ANO1: variants seen among roughly 807,000 people sequenced by gnomAD.
ANO1 encodes the protein anoctamin-1.
ANO1 carries 59 observed loss-of-function variants against 124.0 expected under a neutral mutation model. The ratio of observed to expected loss-of-function variants is 0.48; its 90% confidence interval spans 0.39 to 0.59. ANO1 has a LOEUF of 0.59. Ranked by LOEUF, ANO1 falls within the 20% of genes least tolerant of loss-of-function variation. ANO1 has a pLI of 0.00. For synonymous variants in ANO1, 529 were observed against 532.0 expected, an observed-to-expected ratio of 0.99 and a Z score of 0.08; for missense variants, 1,059 against 1,328.0, an observed-to-expected ratio of 0.80 and a Z score of 3.15.
chr11:69,967,194 G>A, the ANO1 span, among the ~76,000 whole-genome samples: 8 of 111,048 alleles, frequency 7.2e-5, no homozygotes, highest in African/African-American at 2.6e-4. Context: ...CGCCCGTATC[G>A]CACGTTAGCT....
Position 70,104,146 on chromosome 11 carries a change from C to A in ANO1, c.688C>A (p.His230Asn), listed in dbSNP as rs1487065155. The change falls in exon 4 of 26, where the codon CAT becomes AAT. Residue 230 changes from histidine to asparagine, a missense_variant. By Grantham distance (68) the His-to-Asn change is moderately conservative. This residue lies in a region of ANO1 where 809 missense variants were observed against 1,094.9 expected (regional missense o/e 0.74). Coordinates refer to ENST00000355303, the MANE Select transcript of ANO1 (RefSeq NM_018043.7). ...CTATCCCTTCTCCCGGGAGAAGCAG[C>A]ATCTGTAAGTGGGGACCCCCAGCCT... The part of the protein sequence containing the change: ...LSYPFSREKQ[H>N]LFDLSDKDSF... 3 of 1,590,136 alleles carry A rather than the reference C, an allele frequency of 1.9e-6. No homozygotes were observed. The African/African-American group carries it at 4.0e-5, about 21-fold the overall frequency.
chr11:70,144,840 G>T (rs1185161177), intron 11 of ANO1, among the ~76,000 whole-genome samples: 2 of 152,212 alleles, frequency 1.3e-5, no homozygotes, highest in Non-Finnish European at 2.9e-5. Flanking sequence ...CCAGGTTTCT[G>T]CCCTTACTTG....
intron 1 of ANO1, among the ~76,000 whole-genome samples, chr11:70,009,933 T>C (rs1347476429): frequency 6.6e-6 from 1 of 151,856 alleles, no homozygotes; most frequent in Non-Finnish European, 1.5e-5. Flanking sequence ...CCTCCCACCC[T>C]TCCCCCAAGT....
chr11:70,106,058 G>A (rs2045526579), intron 5 of ANO1, among the ~76,000 whole-genome samples: 1 of 152,158 alleles, frequency 6.6e-6, no homozygotes, highest in Non-Finnish European at 1.5e-5. Flanking sequence ...AAAGGTCGGT[G>A]TTTCTGGATC....
At chr11:70,071,449 G>T (rs1857871681) in intron 1 of ANO1, among the ~76,000 whole-genome samples, 1 of 152,096 alleles carries the variant, frequency 6.6e-6, no homozygotes, top group African/African-American at 2.4e-5. Context: ...TAAATAATAG[G>T]AAAAGGCTCT....
intron 1 of ANO1, among the ~76,000 whole-genome samples, chr11:70,025,611 A>T (rs1259165970): frequency 6.8e-6 from 1 of 147,624 alleles, no homozygotes; most frequent in African/African-American, 2.5e-5. Context: ...GATGATAATG[A>T]TGGTGGTGAT....
intron 2 of ANO1, among the ~76,000 whole-genome samples, chr11:70,095,099 A>C (rs1381474467): frequency 6.6e-6 from 1 of 151,762 alleles, no homozygotes; most frequent in Non-Finnish European, 1.5e-5. Flanking sequence ...CGAGCTACTC[A>C]GGAGGCTGAG....
chr11:70,027,827 T>C (rs11822948), intron 1 of ANO1, among the ~76,000 whole-genome samples: 35,403 of 152,114 alleles, frequency 0.23, 4,320 homozygotes, highest in East Asian at 0.41. Flanking sequence ...GGTGCTTGCC[T>C]GCACTGGACG....
intron 1 of ANO1, chr11:70,056,562 A>C (rs909603422): frequency 2.0e-5 from 3 of 152,160 alleles, no homozygotes; most frequent in African/African-American, 7.2e-5. Flanking sequence ...CGCAAGAAAA[A>C]TAAATAAAAA....
intron 20 of ANO1, among the ~76,000 whole-genome samples, chr11:70,166,924 T>C (rs2135740339): frequency 6.6e-6 from 1 of 152,270 alleles, no homozygotes; most frequent in South Asian, 2.1e-4. Flanking sequence ...GATGGGCGGA[T>C]TGCCTGAGCT....
chr11:70,107,490 C>CGGGGGGGGGGGGGGGGGGGGGG (rs1432604573), intron 5 of ANO1, among the ~76,000 whole-genome samples: 1 of 64,548 alleles, frequency 1.5e-5, no homozygotes, highest in Non-Finnish European at 3.4e-5. Context: ...CCAGTGGAGG[C>CGGGGGGGGGGGGGGGGGGGGGG]GGCGGGGCGG....
chr11:69,982,053 T>A (rs552137710), upstream of ANO1, among the ~76,000 whole-genome samples: 1 of 152,262 alleles, frequency 6.6e-6, no homozygotes, highest in Admixed American at 6.5e-5. Flanking sequence ...GAGTGACTGC[T>A]AGCGGGTTCG....
intron 1 of ANO1, among the ~76,000 whole-genome samples, chr11:70,026,986 A>G (rs1856919765): frequency 6.6e-6 from 1 of 152,060 alleles, no homozygotes; most frequent in African/African-American, 2.4e-5. Flanking sequence ...CATGAAACTC[A>G]TGGCCTCCCC....
At chr11:70,173,442 G>A (rs183522705) in intron 22 of ANO1, among the ~76,000 whole-genome samples, 20 of 152,280 alleles carry the variant, frequency 1.3e-4, no homozygotes, top group Non-Finnish European at 2.2e-4. Flanking sequence ...AAATTTCAAA[G>A]GCTTTAAAAG....
intron 1 of ANO1, among the ~76,000 whole-genome samples, chr11:70,006,014 C>A (rs1554999976): frequency 6.6e-6 from 1 of 152,186 alleles, no homozygotes; most frequent in Non-Finnish European, 1.5e-5. Context: ...TTTGCAAACT[C>A]TGGGGTGGCA....
chr11:70,171,670 G>A (rs61885515), intron 22 of ANO1, among the ~76,000 whole-genome samples: 2,493 of 152,288 alleles, frequency 0.016, 35 homozygotes, highest in Middle Eastern at 0.034. Context: ...TAAGGTCAGC[G>A]TAAAGAATAA....
chr11:70,161,408 G>A (rs1402906262), intron 17 of ANO1, 46 bp downstream of exon 17: 13 of 1,586,246 alleles, frequency 8.2e-6, no homozygotes, highest in African/African-American at 1.3e-5. Flanking sequence ...TCAGGCAGCT[G>A]GAGTCGCCTG....
intron 24 of ANO1, 38 bp from the exon 25 acceptor site, chr11:70,185,552 C>G: frequency 6.3e-7 from 1 of 1,586,134 alleles, no homozygotes. Flanking sequence ...TGAGCCCCAC[C>G]GAAGTCCCAC....
At chr11:70,161,942 A>ACCCAGGCAGTGGGGAC (rs1380939426) in intron 18 of ANO1, among the ~76,000 whole-genome samples, 1 of 151,196 alleles carries the variant, frequency 6.6e-6, no homozygotes, top group African/African-American at 2.4e-5. Context: ...GTGGCAGGGA[A>ACCCAGGCAGTGGGGAC]CCCAGGCAGT....
Sources: allele counts gnomAD v4.1 joint callset (sites outside exome capture counted in the v4.1 genomes callset), GRCh38; gene constraint gnomAD v4.1.1; regional missense constraint gnomAD v4.1.1; transcripts MANE v1.5; gene names NCBI Gene and HGNC (gene_info 2026-07-23, HGNC 2026-07-21).